SLC5A8: variants seen among roughly 807,000 people sequenced by gnomAD.
The protein encoded by SLC5A8 is solute carrier family 5 member 8.
In SLC5A8, 55 loss-of-function variants were observed where a neutral mutation model predicts 71.9. That is an observed-to-expected ratio of 0.77 (90% CI 0.62 to 0.96). The LOEUF (loss-of-function observed/expected upper bound fraction) is 0.96. Ranked by LOEUF, SLC5A8 falls within the 40% of genes least tolerant of loss-of-function variation. SLC5A8 has a pLI of 0.00. For synonymous variants in SLC5A8, 307 were observed against 276.1 expected, an observed-to-expected ratio of 1.11 and a Z score of -1.11; for missense variants, 701 against 745.3, an observed-to-expected ratio of 0.94 and a Z score of 0.69.
At chr12:101,180,802 C>A (rs967185015) in intron 9 of SLC5A8, among the ~76,000 whole-genome samples, 2 of 152,158 alleles carry the variant, frequency 1.3e-5, no homozygotes, top group Admixed American at 6.5e-5. Flanking sequence ...GATCCTCCCA[C>A]CTTGGCCTCC....
intron 10 of SLC5A8, among the ~76,000 whole-genome samples, chr12:101,174,658 G>A (rs921379776): frequency 1.3e-5 from 2 of 152,114 alleles, no homozygotes; most frequent in Non-Finnish European, 2.9e-5. Flanking sequence ...ATGACATGTA[G>A]TATCAGCCCT....
At chr12:101,168,050 A>G (rs930097951) in intron 11 of SLC5A8, 46 bp downstream of exon 11, 3 of 1,527,056 alleles carry the variant, frequency 2.0e-6, no homozygotes, top group Non-Finnish European at 2.7e-6. Context: ...AGCTGCTAGT[A>G]TAGTTCAAAA....
Position 101,166,512 on chromosome 12 carries a change from T to C in SLC5A8, c.1508A>G (p.Gln503Arg). ...TCAATACCTTTGAACATTGTATATT[T>C]GAAAAACACTAGTAGTAAATGGCAT... ...TEMPFTTSVF[Q>R]IYNVQRTPLM... Residue 503 changes from glutamine (Q) to arginine (R), a missense_variant, in exon 12 of 15, where the codon CAA becomes CGA. Coordinates refer to ENST00000536262, the MANE Select transcript of SLC5A8 (RefSeq NM_145913.5). 6.2e-7 allele frequency: 1 copy of C among 1,613,462 alleles called. No individual in the cohort carries two copies. Among genetic ancestry groups the C allele is most frequent in the South Asian group, 1.1e-5 (1 of 90,890 alleles).
chr12:101,181,259 A>G (rs1287784326), intron 9 of SLC5A8, among the ~76,000 whole-genome samples: 1 of 152,140 alleles, frequency 6.6e-6, no homozygotes, highest in Non-Finnish European at 1.5e-5. Context: ...ACGCCTCTCA[A>G]TTTTAATGTA....
In SLC5A8 at chr12:101,155,855, G is replaced by A. The variant is rs2051655569; in HGVS notation, c.*1424C>T. On this transcript the variant is annotated 3_prime_UTR_variant, in exon 15 of 15. Coordinates refer to ENST00000536262, the MANE Select transcript of SLC5A8 (RefSeq NM_145913.5). ...CAGTTAGCAACCTCTAAATGTACAG[G>A]GCATGATTACCTAAATAACACGTAT... 6.7e-6 allele frequency: 1 copy of A among 150,060 alleles called. No individual in the cohort carries two copies. The highest frequency in any genetic ancestry group is 1.5e-5 in the Non-Finnish European group (1 of 67,678). The allele number at this position is 150,060 out of a possible 1,614,324, so 9.3% of individuals were successfully genotyped here. A position where few individuals can be genotyped will look rare whatever the true frequency, so the allele number is the denominator to read the frequency against.
chr12:101,193,092 T>G (rs990385066), intron 5 of SLC5A8, among the ~76,000 whole-genome samples: 8 of 151,726 alleles, frequency 5.3e-5, no homozygotes, highest in Non-Finnish European at 1.0e-4. Flanking sequence ...CTGCCTCAGC[T>G]TCCCAAGCAA....
intron 3 of SLC5A8, among the ~76,000 whole-genome samples, chr12:101,197,199 C>A (rs1869219537): frequency 6.6e-6 from 1 of 152,170 alleles, no homozygotes; most frequent in South Asian, 2.1e-4. Context: ...CTTTCCTATA[C>A]AAACTATTTT....
intron 10 of SLC5A8, among the ~76,000 whole-genome samples, chr12:101,170,291 A>C (rs2051816619): frequency 6.6e-6 from 1 of 152,342 alleles, no homozygotes; most frequent in East Asian, 1.9e-4. Flanking sequence ...TAAATAAACA[A>C]ATTTTTTTTA....
rs1476716263 is a variant in SLC5A8, at chr12:101,157,354, T to C, written c.1758A>G (p.Gly586=). The C allele has an allele frequency of 6.2e-7, 1 of 1,612,390 alleles. No individual in the cohort carries two copies. The highest frequency in any genetic ancestry group is 8.5e-7 in the Non-Finnish European group (1 of 1,179,094). The change falls in exon 15 of 15, where the codon GGA becomes GGG. Residue 586 remains glycine, a synonymous_variant. Transcript: ENST00000536262. ...SYKSHPVEDG[G]TDNPAFNHIE... is the part of the protein sequence containing the mutation. ...TGTGGTTGAAAGCAGGATTATCAGT[T>C]CCACCATCTTCCACTGGATGTGATT...
chr12:101,192,861 G>A (rs1011932751), intron 5 of SLC5A8, among the ~76,000 whole-genome samples: 2 of 150,166 alleles, frequency 1.3e-5, no homozygotes, highest in Non-Finnish European at 3.0e-5. Flanking sequence ...ACAAAGAATT[G>A]TCAAAATGAA....
intron 10 of SLC5A8, among the ~76,000 whole-genome samples, chr12:101,170,888 C>T (rs2051823208): frequency 6.6e-6 from 1 of 152,178 alleles, no homozygotes; most frequent in Non-Finnish European, 1.5e-5. Context: ...TCGCGTGTTT[C>T]GGGTGGTCCT....
intron 14 of SLC5A8, 27 bp downstream of exon 14, chr12:101,158,222 A>G (rs1359158939): frequency 1.3e-6 from 2 of 1,489,804 alleles, no homozygotes; most frequent in Admixed American, 3.5e-5. Flanking sequence ...CAGTTTCCTA[A>G]CTCAAGGTAA....
chr12:101,205,391 A>G (rs1376316672), intron 1 of SLC5A8, among the ~76,000 whole-genome samples: 1 of 152,084 alleles, frequency 6.6e-6, no homozygotes, highest in Non-Finnish European at 1.5e-5. Flanking sequence ...GAAATCTGCT[A>G]TGTCTTATAA....
intron 10 of SLC5A8, among the ~76,000 whole-genome samples, chr12:101,170,496 G>C (rs2051818718): frequency 6.6e-6 from 1 of 152,126 alleles, no homozygotes; most frequent in South Asian, 2.1e-4. Flanking sequence ...TTTGCTTCAT[G>C]TATCCCAGCC....
chr12:101,188,668 T>G (rs1009189613), intron 6 of SLC5A8, among the ~76,000 whole-genome samples: 3 of 152,206 alleles, frequency 2.0e-5, no homozygotes, highest in Non-Finnish European at 4.4e-5. Flanking sequence ...AGCGATTCTC[T>G]GATAAACTCT....
intron 10 of SLC5A8, among the ~76,000 whole-genome samples, chr12:101,172,100 C>T (rs543724324): frequency 5.9e-5 from 9 of 152,232 alleles, no homozygotes; most frequent in African/African-American, 2.2e-4. Flanking sequence ...TGATCTTGAA[C>T]ACGGCCCGAT....
chr12:101,200,226 TAGG>T (rs1330687218), intron 3 of SLC5A8, among the ~76,000 whole-genome samples: 1 of 151,510 alleles, frequency 6.6e-6, no homozygotes, highest in African/African-American at 2.4e-5. Flanking sequence ...CTTGGGCCCA[TAGG>T]AGATTTGTTA....
Position 101,179,668 on chromosome 12 carries a change from T to C in SLC5A8, c.1233+361A>G, listed in dbSNP as rs193264651. On this transcript the variant is annotated intron_variant, in intron 10 of 14. Coordinates refer to ENST00000536262, the MANE Select transcript of SLC5A8 (RefSeq NM_145913.5). Reference sequence around the variant, plus strand: ...GAAGGGAAGTGGTTGTGGCTACAAATGGGCAACAGCAAGGATTCTTGTAGT... The same window carrying C: ...GAAGGGAAGTGGTTGTGGCTACAAACGGGCAACAGCAAGGATTCTTGTAGT... Among the ~76,000 whole-genome samples the C allele has an allele frequency of 4.0e-3, 604 of 152,298 alleles. 2 individuals carry two copies. The highest frequency in any genetic ancestry group is 7.0e-3 in the Non-Finnish European group (477 of 68,018).
intron 13 of SLC5A8, among the ~76,000 whole-genome samples, chr12:101,160,376 A>C (rs1320795186): frequency 6.6e-6 from 1 of 152,268 alleles, no homozygotes; most frequent in Non-Finnish European, 1.5e-5. Flanking sequence ...CAAGTGTCAC[A>C]GAAGTTTGAG....
Sources: allele counts gnomAD v4.1 joint callset (sites outside exome capture counted in the v4.1 genomes callset), GRCh38; gene constraint gnomAD v4.1.1; transcripts MANE v1.5; gene names NCBI Gene and HGNC (gene_info 2026-07-23, HGNC 2026-07-21).